Variants in CNTN5 observed in about 807,000 individuals in gnomAD.
CNTN5 encodes contactin 5, also known as contactin-5.
CNTN5 carries 77 observed loss-of-function variants against 129.1 expected under a neutral mutation model. The observed-to-expected ratio is 0.60, with a 90% CI of 0.50 to 0.72. The LOEUF is 0.72. Among genes scored for constraint, CNTN5 ranks in the 30% least tolerant of loss-of-function variants. The probability of loss-of-function intolerance (pLI) is 0.00; values close to 1 mark genes in which losing one functional copy is unlikely to be tolerated. For missense variants in CNTN5, 1,478 were observed against 1,328.8 expected (o/e 1.11, Z -1.75); for synonymous variants, 509 against 465.6 (o/e 1.09, Z -1.20).
chr11:99,957,899 A>G (rs1453577), intron 8 of CNTN5, among the ~76,000 whole-genome samples: 83,160 of 151,570 alleles, frequency 0.55, 23,040 homozygotes, highest in South Asian at 0.65. Context: ...ATGTATATAT[A>G]TAAACATTTA....
chr11:99,695,792 TCTTA>T (rs1954243258), intron 3 of CNTN5, among the ~76,000 whole-genome samples: 1 of 151,960 alleles, frequency 6.6e-6, no homozygotes, highest in South Asian at 2.1e-4. Context: ...TGAGTTCAAA[TCTTA>T]CTTCTACTAA....
chr11:99,790,719 C>G (rs904358903), intron 3 of CNTN5, among the ~76,000 whole-genome samples: 2 of 152,034 alleles, frequency 1.3e-5, no homozygotes, highest in Admixed American at 6.6e-5. Flanking sequence ...CATGGTAATT[C>G]TGCTTTGAGT....
At chr11:99,252,162 A>C (rs1043457376) in intron 1 of CNTN5, among the ~76,000 whole-genome samples, 6 of 151,984 alleles carry the variant, frequency 3.9e-5, no homozygotes, top group Admixed American at 2.6e-4. Flanking sequence ...TGATAACTTC[A>C]TATTGCCTTT....
At chr11:99,968,486 A>C in intron 8 of CNTN5, among the ~76,000 whole-genome samples, 1 of 152,010 alleles carries the variant, frequency 6.6e-6, no homozygotes, top group East Asian at 1.9e-4. Context: ...ACCTAATTAC[A>C]TTAGGTAATT....
intron 1 of CNTN5, among the ~76,000 whole-genome samples, chr11:99,169,105 G>A (rs529603602): frequency 6.6e-6 from 1 of 152,108 alleles, no homozygotes; most frequent in Non-Finnish European, 1.5e-5. Flanking sequence ...ATAAAGACTG[G>A]GAGTAGCATC....
At chr11:99,170,633 T>C (rs1007265632) in intron 1 of CNTN5, among the ~76,000 whole-genome samples, 5 of 152,246 alleles carry the variant, frequency 3.3e-5, no homozygotes, top group African/African-American at 1.2e-4. Context: ...AAACAGCATA[T>C]GTTTCTAGGT....
intron 2 of CNTN5, among the ~76,000 whole-genome samples, chr11:99,424,265 T>A (rs1465691185): frequency 6.6e-6 from 1 of 152,180 alleles, no homozygotes; most frequent in Non-Finnish European, 1.5e-5. Context: ...GTGGGTCTGA[T>A]AACCAAGACC....
chr11:99,803,098 C>T (rs1343130266), intron 3 of CNTN5, among the ~76,000 whole-genome samples: 1 of 152,120 alleles, frequency 6.6e-6, no homozygotes, highest in African/African-American at 2.4e-5. Flanking sequence ...AAATAGTGCC[C>T]CCCTGCACCA....
intron 4 of CNTN5, among the ~76,000 whole-genome samples, chr11:99,843,233 C>CAA (rs1220162906): frequency 2.0e-5 from 3 of 152,034 alleles, no homozygotes; most frequent in Admixed American, 6.6e-5. Flanking sequence ...AACAAACAAA[C>CAA]AAAAAACTTG....
intron 13 of CNTN5, among the ~76,000 whole-genome samples, chr11:100,115,547 C>T (rs573703174): frequency 4.6e-5 from 7 of 152,040 alleles, no homozygotes; most frequent in Non-Finnish European, 7.4e-5. Context: ...CACATGAACA[C>T]GCCAGCAGAA....
rs569684511 is a variant in CNTN5 at position 99,970,473 on chromosome 11, C to T, written c.877+13464C>T. Among the ~76,000 whole-genome samples, 5 of 152,238 alleles carry T rather than the reference C, an allele frequency of 3.3e-5. No homozygotes were observed. The East Asian group carries it at 9.6e-4, about 29-fold the overall frequency. ...TATCTACTTAATCTTAGACAACCGA[C>T]TTTACCTGTTTATGTCTCAATAATG... On this transcript the variant is annotated intron_variant, in intron 8 of 24. Transcript: ENST00000524871.
At chr11:100,001,519 T>A (rs1308487378) in intron 8 of CNTN5, among the ~76,000 whole-genome samples, 1 of 152,216 alleles carries the variant, frequency 6.6e-6, no homozygotes, top group Non-Finnish European at 1.5e-5. Context: ...AGATAGCTTT[T>A]CTCCCATACT....
chr11:99,946,099 T>C (rs1324688739), intron 7 of CNTN5, among the ~76,000 whole-genome samples: 1 of 152,162 alleles, frequency 6.6e-6, no homozygotes, highest in African/African-American at 2.4e-5. Flanking sequence ...CTCGATCTCA[T>C]CTTTAACGGT....
intron 3 of CNTN5, among the ~76,000 whole-genome samples, chr11:99,598,363 TCTCTCTCTCTCC>T (rs745475594): frequency 0.34 from 9,628 of 28,408 alleles, 2,729 homozygotes; most frequent in Non-Finnish European, 0.41. Flanking sequence ...TCTCTCTCTC[TCTCTCTCTCTCC>T]CTCTCTCTCT....
intron 1 of CNTN5, among the ~76,000 whole-genome samples, chr11:99,207,498 A>G (rs1388350913): frequency 1.3e-5 from 2 of 152,198 alleles, no homozygotes; most frequent in East Asian, 1.9e-4. Flanking sequence ...ATTCAGGCCC[A>G]TGATCAGTGG....
chr11:99,860,004 T>G lies in CNTN5; in HGVS notation c.577+14742T>G, dbSNP rs557983831. Among the ~76,000 whole-genome samples the G allele has an allele frequency of 2.6e-5, 4 of 152,270 alleles. No homozygotes were observed. The South Asian group carries it at 8.3e-4, about 32-fold the overall frequency. On this transcript the variant is annotated intron_variant, in intron 6 of 24. Coordinates refer to ENST00000524871, the MANE Select transcript of CNTN5 (RefSeq NM_014361.4). ...TCTTTTCTCAAAAGTCTCGCCAACA[T>G]CTGTTGTTTTTGATATTTTAGTAAT... is the stretch of plus-strand genomic sequence containing the variant.
intron 1 of CNTN5, among the ~76,000 whole-genome samples, chr11:99,113,572 T>C (rs1348830444): frequency 6.6e-6 from 1 of 152,164 alleles, no homozygotes; most frequent in Non-Finnish European, 1.5e-5. Context: ...ATTTGAAATC[T>C]GTCAGCTGAA....
At chr11:99,753,982 C>T (rs1440513785) in intron 3 of CNTN5, among the ~76,000 whole-genome samples, 1 of 105,526 alleles carries the variant, frequency 9.5e-6, no homozygotes, top group Non-Finnish European at 2.2e-5. Context: ...GCCACGGCAC[C>T]CTGCCAAAAA....
chr11:100,037,643 A>C (rs1363403392), intron 9 of CNTN5, among the ~76,000 whole-genome samples: 1 of 152,118 alleles, frequency 6.6e-6, no homozygotes, highest in Non-Finnish European at 1.5e-5. Flanking sequence ...CCACAATTTC[A>C]GCTCCTGTTG....
Sources: gnomAD v4.1 joint callset for allele counts (sites outside exome capture counted in the v4.1 genomes callset) on GRCh38, gnomAD v4.1.1 for gene constraint, MANE v1.5 for transcripts, NCBI Gene and HGNC (gene_info 2026-07-23, HGNC 2026-07-21) for gene names.